Variants in FEM1C observed in about 807,000 individuals in gnomAD.
The protein encoded by FEM1C is protein fem-1 homolog C.
Under a neutral mutation model 37.6 loss-of-function variants are expected in FEM1C, and 15 were observed. The ratio of observed to expected loss-of-function variants is 0.40; its 90% CI spans 0.27 to 0.61. The LOEUF (loss-of-function observed/expected upper bound fraction) is 0.61. Ranked by LOEUF, FEM1C falls within the 20% of genes least tolerant of loss-of-function variation. The pLI, the probability that FEM1C is intolerant of heterozygous loss-of-function variation, is 0.42. For synonymous variants in FEM1C, 287 were observed against 272.8 expected (o/e 1.05, Z -0.51); for missense variants, 532 against 749.7 (o/e 0.71, Z 3.39).
chr5:115,542,117 T>C (rs1335859685), intron 2 of FEM1C, among the ~76,000 whole-genome samples: 1 of 152,200 alleles, frequency 6.6e-6, no homozygotes, highest in East Asian at 1.9e-4. Flanking sequence ...GGTTTTCAAG[T>C]ATCAAAATTA....
In FEM1C at chr5:115,520,950, G is replaced by A. The variant is rs562414211; in HGVS notation, c.*3358C>T. 8 of 151,884 alleles carry A rather than the reference G, an allele frequency of 5.3e-5. No homozygotes were observed. The South Asian group carries it at 1.7e-3, about 32-fold the overall frequency. 9.4% of individuals were successfully genotyped at this position (151,884 alleles called of 1,614,324 possible). A position where few individuals can be genotyped will look rare whatever the true frequency, so the allele number is the denominator to read the frequency against. ...TTTATTAAACCTTACAATGAATGTT[G>A]TGGCATATGATTTTCCATTGTGTGA... is the stretch of plus-strand genomic sequence containing the variant. On this transcript the variant is annotated 3_prime_UTR_variant, in exon 3 of 3. Coordinates refer to ENST00000274457, the MANE Select transcript of FEM1C (RefSeq NM_020177.3).
chr5:115,542,880 T>G lies in FEM1C; in HGVS notation c.544+70A>C, dbSNP rs1271021978. ...ATGCTGGTTTACTCAACACCAGTGCTTATAATGATGTATCAAACTTCCTGA... is the reference window on the plus strand; with the variant it reads ...ATGCTGGTTTACTCAACACCAGTGCGTATAATGATGTATCAAACTTCCTGA... On this transcript the variant is annotated intron_variant, in intron 2 of 2. Coordinates refer to ENST00000274457, the MANE Select transcript of FEM1C (RefSeq NM_020177.3). The G allele has an allele frequency of 1.9e-6, 3 of 1,543,696 alleles. No individual in the cohort carries two copies. In the African/African-American group the frequency reaches 4.1e-5, roughly 21 times the overall value.
chr5:115,533,431 G>A (rs774805368), intron 2 of FEM1C, among the ~76,000 whole-genome samples: 4 of 151,900 alleles, frequency 2.6e-5, no homozygotes, highest in Non-Finnish European at 5.9e-5. Flanking sequence ...GTAATTTTTT[G>A]TGAAAAAGTA....
chr5:115,526,142 T>C (rs1335302894), intron 2 of FEM1C, among the ~76,000 whole-genome samples: 1 of 152,106 alleles, frequency 6.6e-6, no homozygotes. Context: ...ATTGCAGGTG[T>C]GAGCCACAAT....
In FEM1C at chr5:115,522,441, C is replaced by A. The variant is rs372057405; in HGVS notation, c.*1867G>T. ...ACCTCTTCATCAAAAAGTTGGAGAT[C>A]GTTCATTTATATCCAATTTACCTTT... On this transcript the variant is annotated 3_prime_UTR_variant, in exon 3 of 3. Transcript: ENST00000274457. 11 of 151,794 alleles carry A rather than the reference C, an allele frequency of 7.2e-5. No individual in the cohort carries two copies. The highest frequency in any genetic ancestry group is 2.7e-4 in the African/African-American group (11 of 41,384). The allele number at this position is 151,794 out of a possible 1,614,324, so 9.4% of individuals were successfully genotyped here.
rs75479409 is a variant in FEM1C, at chr5:115,526,169, C to G, written c.545-552G>C. 4.9e-3 allele frequency among the ~76,000 whole-genome samples: 751 copies of G among 152,102 alleles called. 5 individuals carry two copies. The highest frequency in any genetic ancestry group is 0.017 in the African/African-American group (706 of 41,520). On this transcript the variant is annotated intron_variant, in intron 2 of 2. Transcript: ENST00000274457. ...AGCCACAATGCCTGGCCAGACTGCT[C>G]TTTAATATATCTAAGATTCTTCATT... is the stretch of plus-strand genomic sequence containing the variant.
At chr5:115,533,283 CTA>C (rs1399671571) in intron 2 of FEM1C, among the ~76,000 whole-genome samples, 13 of 151,764 alleles carry the variant, frequency 8.6e-5, no homozygotes, top group Admixed American at 7.9e-4. Context: ...TATGCCATGT[CTA>C]TGTTTCAGTT....
chr5:115,530,434 C>T lies in FEM1C; in HGVS notation c.545-4817G>A, dbSNP rs182496554. Reference sequence around the variant, plus strand: ...ACTACTAGGAAAGCAAACAAATCTGCAAACATTAGTACATCTAAACATATC... The same window carrying T: ...ACTACTAGGAAAGCAAACAAATCTGTAAACATTAGTACATCTAAACATATC... On this transcript the variant is annotated intron_variant, in intron 2 of 2. Coordinates refer to ENST00000274457, the MANE Select transcript of FEM1C (RefSeq NM_020177.3). Among the ~76,000 whole-genome samples the T allele has an allele frequency of 1.4e-3, 212 of 152,138 alleles. 1 individual carries two copies. Among genetic ancestry groups the T allele is most frequent in the African/African-American group, 4.8e-3 (200 of 41,536 alleles).
intron 2 of FEM1C, among the ~76,000 whole-genome samples, chr5:115,530,561 A>G (rs1389855085): frequency 6.6e-6 from 1 of 152,136 alleles, no homozygotes; most frequent in Non-Finnish European, 1.5e-5. Context: ...CAACAACCAT[A>G]GAAAACAATT....
rs1754288381 is a variant in FEM1C, at chr5:115,543,594, G to A, written c.-101C>T. On this transcript the variant is annotated 5_prime_UTR_variant, in exon 2 of 3. Transcript: ENST00000274457. ...AGAGTCACAGGAACCAAAGTCCAATGTTAATTGCTGCACCCCAGAACGGAT... is the reference window on the plus strand; with the variant it reads ...AGAGTCACAGGAACCAAAGTCCAATATTAATTGCTGCACCCCAGAACGGAT... 8 of 1,489,354 alleles carry A rather than the reference G, an allele frequency of 5.4e-6. No homozygotes were observed. In the South Asian group the frequency reaches 6.9e-5, roughly 13 times the overall value. The allele number at this position is 1,489,354 out of a possible 1,614,324, so 92.3% of individuals were successfully genotyped here.
At position 115,522,400 on chromosome 5, in the gene FEM1C, A is replaced by G. The variant is rs1429158882; in HGVS notation, c.*1908T>C. The G allele has an allele frequency of 6.6e-6, 1 of 151,934 alleles. No individual in the cohort carries two copies. Among genetic ancestry groups the G allele is most frequent in the Admixed American group, 6.6e-5 (1 of 15,218 alleles). 9.4% of individuals were successfully genotyped at this position (151,934 alleles called of 1,614,324 possible). On this transcript the variant is annotated 3_prime_UTR_variant, in exon 3 of 3. Coordinates refer to ENST00000274457, the MANE Select transcript of FEM1C (RefSeq NM_020177.3). ...CAAATATTTCATCAAATTTTCCCAC[A>G]GTGAGAGATAGTAAAACCTCTTCAT...
rs779710253 is a variant in FEM1C, at chr5:115,524,636, T to C, written c.1526A>G (p.Gln509Arg). ...ACATTCTATCAGTATTGCAGTAACT[T>C]GTAGAGATGGAAATTTACAAACAGG... Reference protein sequence around the residue: ...RYPVCKFPSLQVTAILIECGA... With the variant: ...RYPVCKFPSLRVTAILIECGA... Residue 509 changes from glutamine to arginine, a missense_variant, in exon 3 of 3, where the codon CAA becomes CGA. Physicochemically the swap from Gln to Arg is conservative, Grantham distance 43 (BLOSUM62 1). Coordinates refer to ENST00000274457, the MANE Select transcript of FEM1C (RefSeq NM_020177.3). 4.2e-5 allele frequency: 66 copies of C among 1,580,684 alleles called. No individual in the cohort carries two copies. The highest frequency in any genetic ancestry group is 5.5e-5 in the Non-Finnish European group (64 of 1,166,398).
intron 2 of FEM1C, among the ~76,000 whole-genome samples, chr5:115,542,263 G>C (rs1012159435): frequency 6.6e-6 from 1 of 152,152 alleles, no homozygotes; most frequent in Non-Finnish European, 1.5e-5. Flanking sequence ...TGTTTACACT[G>C]TTGCTAGCCA....
chr5:115,535,295 A>AC lies in FEM1C; in HGVS notation c.544+7654_544+7655insG, dbSNP rs1554089365. Among the ~76,000 whole-genome samples the AC allele has an allele frequency of 4.3e-3, 655 of 151,422 alleles. 5 individuals are homozygous for AC. Among genetic ancestry groups the AC allele is most frequent in the African/African-American group, 0.015 (617 of 41,332 alleles). On this transcript the variant is annotated intron_variant, in intron 2 of 2. Coordinates refer to ENST00000274457, the MANE Select transcript of FEM1C (RefSeq NM_020177.3). ...ACCATCAAAAAAGTTAAAAAAAAAA[A>AC]AAACAAACACAGAATGAGAGAAAAT... is the stretch of plus-strand genomic sequence containing the variant.
At chr5:115,530,203 A>G (rs1052906123) in intron 2 of FEM1C, among the ~76,000 whole-genome samples, 8 of 151,252 alleles carry the variant, frequency 5.3e-5, no homozygotes, top group South Asian at 2.1e-4. Flanking sequence ...AAAGTTTGGG[A>G]AAAAAATGCC....
intron 2 of FEM1C, among the ~76,000 whole-genome samples, chr5:115,541,378 T>C (rs575414725): frequency 6.6e-6 from 1 of 152,020 alleles, no homozygotes; most frequent in South Asian, 2.1e-4. Context: ...TGTATCATTT[T>C]TATAAAAGAT....
At position 115,542,942 on chromosome 5, in the gene FEM1C, G is replaced by A. The variant is rs1333926828; in HGVS notation, c.544+8C>T. 6.2e-7 allele frequency: 1 copy of A among 1,605,390 alleles called. No homozygotes were observed. Among genetic ancestry groups the A allele is most frequent in the African/African-American group, 1.3e-5 (1 of 74,468 alleles). ...AGACATTTAGAAAAACAAAGAAGCT[G>A]AACTCACCTTTGACACTTTTTCTAT... On this transcript the variant is annotated splice_region_variant and intron_variant, in intron 2 of 2. Coordinates refer to ENST00000274457, the MANE Select transcript of FEM1C (RefSeq NM_020177.3).
intron 2 of FEM1C, 149 bp from the exon 3 acceptor site, chr5:115,525,766 TTC>T (rs1753878119): frequency 3.4e-6 from 2 of 585,538 alleles, no homozygotes; most frequent in African/African-American, 3.8e-5. Context: ...GAAAAAAAAA[TTC>T]CCCCAGTACC....
chr5:115,524,171 C>T lies in FEM1C; in HGVS notation c.*137G>A. 1.6e-6 allele frequency: 1 copy of T among 637,862 alleles called. No individual in the cohort carries two copies. The highest frequency in any genetic ancestry group is 2.7e-6 in the Non-Finnish European group (1 of 370,528). The allele number at this position is 637,862 out of a possible 1,614,324, so 39.5% of individuals were successfully genotyped here. A position where few individuals can be genotyped will look rare whatever the true frequency, so the allele number is the denominator to read the frequency against. On this transcript the variant is annotated 3_prime_UTR_variant, in exon 3 of 3. Transcript: ENST00000274457. ...GGAAACCAATGTTGTAAATTTGATGCTTATAATGCTTTAGCCAATGAGAGC... is the reference window on the plus strand; with the variant it reads ...GGAAACCAATGTTGTAAATTTGATGTTTATAATGCTTTAGCCAATGAGAGC...
Sources: gnomAD v4.1 joint callset for allele counts (sites outside exome capture counted in the v4.1 genomes callset) on GRCh38, gnomAD v4.1.1 for gene constraint, MANE v1.5 for transcripts, NCBI Gene and HGNC (gene_info 2026-07-23, HGNC 2026-07-21) for gene names.